The following OSCAR variants were observed in gnomAD, a reference collection of about 807,000 sequenced individuals.
The protein encoded by OSCAR is osteoclast-associated immunoglobulin-like receptor.
Under a neutral mutation model 27.3 loss-of-function variants are expected in OSCAR, and 25 were observed. That is an observed-to-expected ratio of 0.92 (90% confidence interval 0.67 to 1.28). OSCAR has a LOEUF of 1.28. Among genes scored for constraint, OSCAR ranks in the 50% most tolerant of loss-of-function variants. The pLI is 0.00. For synonymous variants in OSCAR, 158 were observed against 165.7 expected, an observed-to-expected ratio of 0.95 and a Z score of 0.36; for missense variants, 354 against 355.1, an observed-to-expected ratio of 1.00 and a Z score of 0.03.
rs143876407 is a variant in OSCAR, at chr19:54,099,760, T to A, written c.58A>T (p.Ile20Phe). 8 of 1,613,176 alleles carry A rather than the reference T, an allele frequency of 5.0e-6. No individual in the cohort carries two copies. In the African/African-American group the frequency reaches 1.1e-4, roughly 22 times the overall value. Reference protein sequence around the residue: ...LTLWPLCHTDITPSVPPASYH... With the variant: ...LTLWPLCHTDFTPSVPPASYH... ...GGTGGCTACTCACCAGACGGAGTGA[T>A]GTCTGTGTGACACAGAGGCCCTGTA... The change falls in exon 2 of 5, where the codon ATC becomes TTC. Residue 20 changes from isoleucine to phenylalanine, a missense_variant. Coordinates refer to ENST00000358375, the MANE Select transcript of OSCAR (RefSeq NM_133169.6).
At chr19:54,095,609 G>A (rs1219972108) in intron 4 of OSCAR, 2 of 1,086,922 alleles carry the variant, frequency 1.8e-6, no homozygotes, top group South Asian at 1.7e-5. Flanking sequence ...GGGGCCTGGA[G>A]TCCTGGGTCT....
intron 1 of OSCAR, 69 bp from the exon 2 acceptor site, chr19:54,099,849 G>T (rs761185719): frequency 4.5e-4 from 684 of 1,528,160 alleles, no homozygotes; most frequent in Admixed American, 5.7e-4. Flanking sequence ...GTCTCACTCT[G>T]TCGCCCAGGC....
At chr19:54,099,058 T>G in intron 2 of OSCAR, among the ~76,000 whole-genome samples, 1 of 40,088 alleles carries the variant, frequency 2.5e-5, no homozygotes, top group Admixed American at 2.2e-4. Flanking sequence ...AAAAGAGTTT[T>G]TTTTGTTTGT....
intron 2 of OSCAR, among the ~76,000 whole-genome samples, chr19:54,099,102 AC>A (rs2072900715): frequency 6.6e-6 from 1 of 151,012 alleles, no homozygotes; most frequent in Admixed American, 6.6e-5. Flanking sequence ...TTGCACTGTC[AC>A]CCAGGCTGGA....
At position 54,095,456 on chromosome 19, in the gene OSCAR, C is replaced by T. The variant is rs2072593265; in HGVS notation, c.656-99G>A. On this transcript the variant is annotated intron_variant, in intron 4 of 4. Coordinates refer to ENST00000358375, the MANE Select transcript of OSCAR (RefSeq NM_133169.6). ...CAGCCCCTGGGGTGGACTTAGGGAC[C>T]TGACTCTACAGTCTCAAAGTTGAGG... is the stretch of plus-strand genomic sequence containing the variant. 1.3e-5 allele frequency: 19 copies of T among 1,475,094 alleles called. No homozygotes were observed. In the South Asian group the frequency reaches 2.1e-4, roughly 16 times the overall value. 91.4% of individuals were successfully genotyped at this position (1,475,094 alleles called of 1,614,324 possible).
intron 2 of OSCAR, 25 bp downstream of exon 2, chr19:54,099,723 G>A (rs758882159): frequency 8.1e-6 from 13 of 1,613,776 alleles, no homozygotes; most frequent in South Asian, 1.1e-5. Flanking sequence ...GCAACAAAAG[G>A]AGAGTGGATG....
intron 3 of OSCAR, 88 bp downstream of exon 3, chr19:54,096,774 C>G: frequency 7.1e-7 from 1 of 1,415,534 alleles, no homozygotes; most frequent in Non-Finnish European, 9.5e-7. Flanking sequence ...TTGCCCGCCT[C>G]GCTCTGTCTC....
Position 54,096,276 on chromosome 19 carries a change from T to TTCTCTCTGCCTGTCTC in OSCAR, c.374-139_374-124dup, listed in dbSNP as rs1311327481. The TTCTCTCTGCCTGTCTC allele has an allele frequency of 5.5e-4, 476 of 862,292 alleles. 5 individuals are homozygous for TTCTCTCTGCCTGTCTC. In the African/African-American group the frequency reaches 7.2e-3, roughly 13 times the overall value. The allele number at this position is 862,292 out of a possible 1,614,324, so 53.4% of individuals were successfully genotyped here. A position where few individuals can be genotyped will look rare whatever the true frequency, so the allele number is the denominator to read the frequency against. ...CCTCTCTCTCTCTTTCTGCCTCTCT[T>TTCTCTCTGCCTGTCTC]TCTCTCTGCCTGTCTCTCTCTCTGT... On this transcript the variant is annotated intron_variant, in intron 3 of 4. Transcript: ENST00000358375.
At chr19:54,096,585 CCTCCCTCTCTCT>C (rs2072733460) in intron 3 of OSCAR, among the ~76,000 whole-genome samples, 14 of 122,698 alleles carry the variant, frequency 1.1e-4, no homozygotes, top group East Asian at 5.4e-4. Context: ...TCTCTCTCTG[CCTCCCTCTCTCT>C]CTGCCTCCCT....
chr19:54,095,102 A>G lies in OSCAR; in HGVS notation c.*119T>C. ...GCACAGGGCACAGCGGGGTCTAAGGACCGTTCCGCGGAGCTCAGCCAGCAG... is the reference window on the plus strand; with the variant it reads ...GCACAGGGCACAGCGGGGTCTAAGGGCCGTTCCGCGGAGCTCAGCCAGCAG... On this transcript the variant is annotated 3_prime_UTR_variant, in exon 5 of 5. Transcript: ENST00000358375. 2 of 1,442,772 alleles carry G rather than the reference A, an allele frequency of 1.4e-6. No individual in the cohort carries two copies. Among genetic ancestry groups the G allele is most frequent in the Non-Finnish European group, 1.8e-6 (2 of 1,087,206 alleles). 89.4% of individuals were successfully genotyped at this position (1,442,772 alleles called of 1,614,324 possible).
At position 54,096,122 on chromosome 19, in the gene OSCAR, C is replaced by A. The variant is rs770257293; in HGVS notation, c.405G>T (p.Leu135=). 690 of 1,526,150 alleles carry A rather than the reference C, an allele frequency of 4.5e-4. 1 individual carries two copies. The highest frequency in any genetic ancestry group is 8.8e-4 in the Admixed American group (44 of 49,882). 94.5% of individuals were successfully genotyped at this position (1,526,150 alleles called of 1,614,324 possible). ...EELPRPSLVA[L]PGPVVGPGAN... Reference sequence around the variant, plus strand: ...CGCCAGGACCCACCACCGGCCCGGGCAGCGCCACCAGCGACGGCCGCGGCA... The same window carrying A: ...CGCCAGGACCCACCACCGGCCCGGGAAGCGCCACCAGCGACGGCCGCGGCA... Residue 135 remains leucine, a synonymous_variant, in exon 4 of 5, where the codon CTG becomes CTT. Transcript: ENST00000358375.
At position 54,096,083 on chromosome 19, in the gene OSCAR, CA is replaced by C. The variant is rs765453825; in HGVS notation, c.443del (p.Leu148ArgfsTer10). The C allele has an allele frequency of 1.6e-5, 25 of 1,534,836 alleles. No homozygotes were observed. The East Asian group carries it at 6.1e-4, about 38-fold the overall frequency. On this transcript the variant is annotated frameshift_variant, in exon 4 of 5. Coordinates refer to ENST00000358375, the MANE Select transcript of OSCAR (RefSeq NM_133169.6). LOFTEE classifies it high-confidence loss of function. ...PVVGPGANVS[L>X]RCAGRLRNMS... is the part of the protein sequence containing the mutation. ...TGTTCCGCAGGCGGCCCGCGCAGCG[CA>C]GGCTCACGTTGGCGCCAGGACCCAC...
chr19:54,096,066 A>G lies in OSCAR; in HGVS notation c.461T>C (p.Leu154Pro). 1 of 1,541,080 alleles carries G rather than the reference A, an allele frequency of 6.5e-7. No homozygotes were observed. The highest frequency in any genetic ancestry group is 8.7e-7 in the Non-Finnish European group (1 of 1,148,650). Residue 154 changes from leucine (L) to proline (P), a missense_variant, in exon 4 of 5, where the codon CTG becomes CCG. By Grantham distance (98) the Leu-to-Pro change is moderately conservative (BLOSUM62 -3). Coordinates refer to ENST00000358375, the MANE Select transcript of OSCAR (RefSeq NM_133169.6). ...GTACAGCACGAAGCTCATGTTCCGC[A>G]GGCGGCCCGCGCAGCGCAGGCTCAC... The part of the protein sequence containing the change: ...ANVSLRCAGR[L>P]RNMSFVLYRE...
At chr19:54,098,116 G>A (rs1009385423) in intron 2 of OSCAR, among the ~76,000 whole-genome samples, 4 of 152,024 alleles carry the variant, frequency 2.6e-5, no homozygotes, top group African/African-American at 9.7e-5. Context: ...TTGGGGTAAG[G>A]AAGGCTTCTT....
intron 4 of OSCAR, chr19:54,095,660 G>A: frequency 2.0e-6 from 2 of 1,016,030 alleles, no homozygotes; most frequent in Non-Finnish European, 2.8e-6. Flanking sequence ...TGGGTCTGAG[G>A]GAGGAGGAGC....
chr19:54,095,275 C>G lies in OSCAR; in HGVS notation c.738G>C (p.Leu246=). ...AGLVLISLGA[L]VTFDWRSQNR... is the part of the protein sequence containing the mutation. Reference sequence around the variant, plus strand: ...TCTGACTGCGCCAGTCAAAAGTGACCAGCGCGCCCAGGGAGATGAGGACCA... The same window carrying G: ...TCTGACTGCGCCAGTCAAAAGTGACGAGCGCGCCCAGGGAGATGAGGACCA... The change falls in exon 5 of 5, where the codon CTG becomes CTC. Residue 246 remains leucine, a synonymous_variant. Transcript: ENST00000358375. 1 of 1,603,814 alleles carries G rather than the reference C, an allele frequency of 6.2e-7. No homozygotes were observed. Among genetic ancestry groups the G allele is most frequent in the Non-Finnish European group, 8.5e-7 (1 of 1,175,810 alleles).
intron 2 of OSCAR, 25 bp from the exon 3 acceptor site, chr19:54,097,189 C>T (rs2072793688): frequency 6.3e-7 from 1 of 1,581,808 alleles, no homozygotes; most frequent in Non-Finnish European, 8.6e-7. Context: ...CTGCCTGGGT[C>T]CTCGGGCCTC....
intron 2 of OSCAR, among the ~76,000 whole-genome samples, chr19:54,098,494 T>A (rs1453501064): frequency 6.6e-6 from 1 of 151,860 alleles, no homozygotes; most frequent in African/African-American, 2.4e-5. Flanking sequence ...AACCCTAGAG[T>A]CGGAGGCTGC....
intron 3 of OSCAR, 50 bp downstream of exon 3, chr19:54,096,812 C>T (rs1309276260): frequency 6.4e-7 from 1 of 1,573,608 alleles, no homozygotes; most frequent in African/African-American, 1.4e-5. Flanking sequence ...CTGTCCCTCC[C>T]CCAACTCCCT....
Sources: allele counts gnomAD v4.1 joint callset (sites outside exome capture counted in the v4.1 genomes callset), GRCh38; gene constraint gnomAD v4.1.1; transcripts MANE v1.5; gene names NCBI Gene and HGNC (gene_info 2026-07-23, HGNC 2026-07-21).